The following COCH variants were observed in gnomAD, a reference collection of about 807,000 sequenced individuals.
COCH encodes coagulation factor C homolog, cochlin (Limulus polyphemus).
A neutral mutation model predicts 54.8 loss-of-function variants in COCH; 40 were observed. That is an observed-to-expected ratio of 0.73 (90% CI 0.57 to 0.95). The LOEUF (loss-of-function observed/expected upper bound fraction) is 0.95, where lower values mean the gene tolerates loss of function less well. COCH is among the 40% of genes least tolerant of loss of function. COCH has a pLI of 0.00. For synonymous variants in COCH, 256 were observed against 237.9 expected (o/e 1.08, Z -0.70); for missense variants, 605 against 675.0 (o/e 0.90, Z 1.15).
intron 11 of COCH, 106 bp downstream of exon 11, chr14:30,886,418 G>A (rs1247634806): frequency 8.2e-7 from 1 of 1,220,096 alleles, no homozygotes; most frequent in African/African-American, 1.5e-5. Flanking sequence ...AACACCTGTG[G>A]CTTTACCCAA....
chr14:30,880,049 A>G (rs1041401252), intron 6 of COCH, among the ~76,000 whole-genome samples: 1 of 152,208 alleles, frequency 6.6e-6, no homozygotes, highest in Non-Finnish European at 1.5e-5. Context: ...TTCTAGTTCC[A>G]TTTGCTTCAT....
intron 6 of COCH, 24 bp downstream of exon 6, chr14:30,879,509 C>CTAGT (rs779985270): frequency 6.2e-7 from 1 of 1,611,486 alleles, no homozygotes; most frequent in South Asian, 1.1e-5. Context: ...AACCTATCTC[C>CTAGT]TAGTTGCCCG....
At position 30,877,639 on chromosome 14, in the gene COCH, C is replaced by A; in HGVS notation, c.150C>A (p.Cys50Ter). 1 of 1,614,226 alleles carries A rather than the reference C, an allele frequency of 6.2e-7. No individual in the cohort carries two copies. The highest frequency in any genetic ancestry group is 1.1e-5 in the South Asian group (1 of 91,084). The change falls in exon 4 of 12, where the codon TGC (cysteine) becomes TGA (stop). Residue 50 changes from cysteine to a stop codon, truncating the protein, a stop_gained. Transcript: ENST00000396618. LOFTEE classifies it high-confidence loss of function. The surrounding 1 kb of genome is among the most constrained non-coding windows in gnomAD (Gnocchi z 8.6). ...GGAAAGAGAAAGCAGATGTCCTCTG[C>A]CCAGGGGGCTGCCCTCTTGAGGAAT... Reference protein sequence around the residue: ...DIRKEKADVLCPGGCPLEEFS... With the variant: ...DIRKEKADVL
rs188716373 is a variant in COCH, at chr14:30,882,650, T to C, written c.630-1903T>C. 3.9e-3 allele frequency among the ~76,000 whole-genome samples: 599 copies of C among 152,350 alleles called. 17 individuals are homozygous for C. The highest frequency in any genetic ancestry group is 0.035 in the Admixed American group (541 of 15,298). On this transcript the variant is annotated intron_variant, in intron 8 of 11. Transcript: ENST00000396618. ...CTACACTGTGATGAACATCCTTATA[T>C]CATCTTTGTGCCCATCTCTGATTAT...
At chr14:30,883,145 C>T (rs1435707129) in intron 8 of COCH, among the ~76,000 whole-genome samples, 1 of 152,136 alleles carries the variant, frequency 6.6e-6, no homozygotes, top group African/African-American at 2.4e-5. Context: ...GTTTCATTGA[C>T]TTATGGTATC....
Position 30,885,829 on chromosome 14 carries a change from C to T in COCH, c.994C>T (p.His332Tyr). The T allele has an allele frequency of 6.2e-7, 1 of 1,614,046 alleles. No individual in the cohort carries two copies. Among genetic ancestry groups the T allele is most frequent in the Non-Finnish European group, 8.5e-7 (1 of 1,179,976 alleles). The change falls in exon 11 of 12, where the codon CAC becomes TAC. Residue 332 changes from histidine to tyrosine, a missense_variant. By Grantham distance (83) the His-to-Tyr change is moderately conservative. Transcript: ENST00000396618. Reference sequence around the variant, plus strand: ...TCGGAATAATGGCTTCTTCTCTTACCACATGCCCAACTGGTTTGGCACCAC... The same window carrying T: ...TCGGAATAATGGCTTCTTCTCTTACTACATGCCCAACTGGTTTGGCACCAC... ...VCRNNGFFSY[H>Y]MPNWFGTTKY...
At chr14:30,890,693 A>G, downstream of COCH, 1 of 488,920 alleles carries the variant, frequency 2.0e-6, no homozygotes, top group Non-Finnish European at 2.7e-6. Flanking sequence ...ACCAATCTGA[A>G]TTGTTTTTTA....
At chr14:30,887,598 T>C (rs995443129) in intron 11 of COCH, among the ~76,000 whole-genome samples, 1 of 152,168 alleles carries the variant, frequency 6.6e-6, no homozygotes, top group African/African-American at 2.4e-5. Context: ...TAAGATTCCC[T>C]TTCTGAGGAT....
chr14:30,879,976 A>G (rs1895514630), intron 6 of COCH, among the ~76,000 whole-genome samples: 1 of 152,100 alleles, frequency 6.6e-6, no homozygotes, highest in Admixed American at 6.5e-5. Flanking sequence ...TAATTCTCTA[A>G]AAGTCCTATT....
intron 8 of COCH, among the ~76,000 whole-genome samples, chr14:30,881,223 A>G (rs972892271): frequency 6.6e-6 from 1 of 151,940 alleles, no homozygotes; most frequent in Non-Finnish European, 1.5e-5. Context: ...AAAAAAAAAA[A>G]AAAAAAAGAA....
chr14:30,890,984 A>G (rs1423438935), downstream of COCH, among the ~76,000 whole-genome samples: 1 of 152,104 alleles, frequency 6.6e-6, no homozygotes, highest in Non-Finnish European at 1.5e-5. Flanking sequence ...GGCTACAGTG[A>G]GCCATGATCA....
chr14:30,879,255 T>C (rs532315471), intron 5 of COCH, among the ~76,000 whole-genome samples, 168 bp from the exon 6 acceptor site: 5 of 152,354 alleles, frequency 3.3e-5, no homozygotes, highest in East Asian at 3.9e-4. Context: ...TTTGAAGATA[T>C]AATGGATAAG....
intron 8 of COCH, 107 bp downstream of exon 8, chr14:30,880,841 A>T (rs1895554694): frequency 4.9e-6 from 4 of 822,174 alleles, no homozygotes; most frequent in Admixed American, 1.9e-5. Flanking sequence ...TCATACATAC[A>T]ATGTATAGTG....
At chr14:30,890,766 A>C, downstream of COCH, 1 of 201,394 alleles carries the variant, frequency 5.0e-6, no homozygotes, top group Non-Finnish European at 8.8e-6. Flanking sequence ...GGCCAAGCAC[A>C]GTGGCTCATG....
chr14:30,885,814 G>A lies in COCH; in HGVS notation c.979G>A (p.Gly327Ser), dbSNP rs1425201775. 1.7e-5 allele frequency: 28 copies of A among 1,614,022 alleles called. No individual in the cohort carries two copies. The highest frequency in any genetic ancestry group is 2.2e-5 in the Non-Finnish European group (26 of 1,180,000). The change falls in exon 11 of 12, where the codon GGC (glycine) becomes AGC (serine). Residue 327 changes from glycine to serine, a missense_variant. Coordinates refer to ENST00000396618, the MANE Select transcript of COCH (RefSeq NM_004086.3). ...CCATTAGGCTGTCTGTCGGAATAAT[G>A]GCTTCTTCTCTTACCACATGCCCAA... ...FVDKAVCRNN[G>S]FFSYHMPNWF...
chr14:30,879,305 G>T, intron 5 of COCH, 118 bp from the exon 6 acceptor site: 1 of 1,024,204 alleles, frequency 9.8e-7, no homozygotes, highest in Non-Finnish European at 1.5e-6. Context: ...CAGGATGTTT[G>T]TAACTACAAT....
At chr14:30,876,130 A>AT (rs2138830589) in intron 3 of COCH, 1 of 152,330 alleles carries the variant, frequency 6.6e-6, no homozygotes, top group South Asian at 2.1e-4. Context: ...TGGAAAAAAA[A>AT]GGTTTTTAAA....
In COCH at chr14:30,889,710, AAGAG is replaced by A. The variant is rs746449866; in HGVS notation, c.1575_1578del (p.Arg525SerfsTer5). 2 of 1,614,106 alleles carry A rather than the reference AAGAG, an allele frequency of 1.2e-6. No homozygotes were observed. The highest frequency in any genetic ancestry group is 4.5e-5 in the East Asian group (2 of 44,872). On this transcript the variant is annotated frameshift_variant, in exon 12 of 12. Transcript: ENST00000396618. LOFTEE classifies it high-confidence loss of function. Reference sequence around the variant, plus strand: ...CGAAGGAGTCTCATGCTTTCTTCACAAGAGAGTTCACAGGATTAGAACCAATTGT... The same window carrying A: ...CGAAGGAGTCTCATGCTTTCTTCACAAGTTCACAGGATTAGAACCAATTGT...
At chr14:30,882,119 G>GTTTTT (rs1566410309) in intron 8 of COCH, among the ~76,000 whole-genome samples, 3 of 84,872 alleles carry the variant, frequency 3.5e-5, no homozygotes, top group African/African-American at 6.0e-5. Context: ...ACTATAAAAT[G>GTTTTT]GTTTTTTTTT....
Sources: allele counts gnomAD v4.1 joint callset (sites outside exome capture counted in the v4.1 genomes callset), GRCh38; gene constraint gnomAD v4.1.1; non-coding constraint Gnocchi (gnomAD v3.1); transcripts MANE v1.5; gene names NCBI Gene and HGNC (gene_info 2026-07-23, HGNC 2026-07-21).